Variants in NLE1 observed in about 807,000 individuals in gnomAD.
NLE1 encodes the protein notchless homolog 1.
A neutral mutation model predicts 62.8 loss-of-function variants in NLE1; 37 were observed. The ratio of observed to expected loss-of-function variants is 0.59; its 90% CI spans 0.45 to 0.78. The LOEUF (loss-of-function observed/expected upper bound fraction) is 0.78, where lower values mean the gene tolerates loss of function less well. Ranked by LOEUF, NLE1 falls within the 30% of genes least tolerant of loss-of-function variation. The pLI, the probability that NLE1 is intolerant of heterozygous loss-of-function variation, is 0.00. For synonymous variants in NLE1, 243 were observed against 253.0 expected, an observed-to-expected ratio of 0.96 and a Z score of 0.37; for missense variants, 555 against 637.9, an observed-to-expected ratio of 0.87 and a Z score of 1.40.
rs753142026 is a variant in NLE1 at position 35,142,257 on chromosome 17, C to A, written c.18+1G>T. ...CCCCGCCCCCATCCACGCACACCCA[C>A]CGGCACTGCTGCCGCCATCCTGCGT... On this transcript the variant is annotated splice_donor_variant, in intron 1 of 12. Transcript: ENST00000442241. LOFTEE classifies it high-confidence loss of function. The A allele has an allele frequency of 1.3e-6, 2 of 1,547,968 alleles. No homozygotes were observed. The highest frequency in any genetic ancestry group is 1.4e-5 in the African/African-American group (1 of 73,234).
Position 35,136,044 on chromosome 17 carries a change from G to A in NLE1, c.1011+125C>T, listed in dbSNP as rs564879325. 4.4e-5 allele frequency: 40 copies of A among 905,528 alleles called. 1 individual carries two copies. The South Asian group carries it at 7.3e-4, about 17-fold the overall frequency. 56.1% of individuals were successfully genotyped at this position (905,528 alleles called of 1,614,324 possible). Reference sequence around the variant, plus strand: ...TAGGATTGCAAACTAGGATTATGAAGAACAACTTTTTGGAATAGGTACATT... The same window carrying A: ...TAGGATTGCAAACTAGGATTATGAAAAACAACTTTTTGGAATAGGTACATT... On this transcript the variant is annotated intron_variant, in intron 9 of 12. Coordinates refer to ENST00000442241, the MANE Select transcript of NLE1 (RefSeq NM_018096.5).
chr17:35,133,276 G>C (rs748037158), intron 11 of NLE1, 35 bp from the exon 12 acceptor site: 1 of 1,614,054 alleles, frequency 6.2e-7, no homozygotes, highest in Non-Finnish European at 8.5e-7. Flanking sequence ...GTGGGGTGGT[G>C]AGAGGGAGAC....
In NLE1 at chr17:35,139,285, G is replaced by C. The variant is rs1419024148; in HGVS notation, c.410C>G (p.Thr137Ser). ...KYLASGSGDT[T>S]VRFWDLSTET... ...TGTGCTGAGATCCCAGAAGCGCACG[G>C]TGGTGTCTCCAGAGCCACTGGCCAG... The change falls in exon 4 of 13, where the codon ACC becomes AGC. Residue 137 changes from threonine (T) to serine (S), a missense_variant. By Grantham distance (58) the Thr-to-Ser change is moderately conservative. Transcript: ENST00000442241. 1 of 1,614,064 alleles carries C rather than the reference G, an allele frequency of 6.2e-7. No homozygotes were observed. Among genetic ancestry groups the C allele is most frequent in the African/African-American group, 1.3e-5 (1 of 75,046 alleles).
chr17:35,137,528 G>A lies in NLE1; in HGVS notation c.635+15C>T, dbSNP rs376313441. On this transcript the variant is annotated intron_variant, in intron 6 of 12. Coordinates refer to ENST00000442241, the MANE Select transcript of NLE1 (RefSeq NM_018096.5). ...CCCCTGGCTCATTTGTCCCAGCTCC[G>A]TCAGTGTCACTTACGCATGGAGGGG... 5.1e-5 allele frequency: 81 copies of A among 1,597,958 alleles called. No homozygotes were observed. Among genetic ancestry groups the A allele is most frequent in the East Asian group, 8.9e-5 (4 of 44,798 alleles).
In NLE1 at chr17:35,142,270, C is replaced by A. The variant is rs1029595696; in HGVS notation, c.6G>T (p.Ala2=). Residue 2 remains alanine, a synonymous_variant, in exon 1 of 13, where the codon GCG becomes GCT. Coordinates refer to ENST00000442241, the MANE Select transcript of NLE1 (RefSeq NM_018096.5). M[A]AAVPDEAVAR... ...CACGCACACCCACCGGCACTGCTGC[C>A]GCCATCCTGCGTCCCCACGTGGAGG... 4 of 1,542,712 alleles carry A rather than the reference C, an allele frequency of 2.6e-6. No individual in the cohort carries two copies. Among genetic ancestry groups the A allele is most frequent in the Non-Finnish European group, 3.5e-6 (4 of 1,147,104 alleles).
chr17:35,138,613 T>C (rs1015609687), intron 4 of NLE1, among the ~76,000 whole-genome samples: 4 of 152,060 alleles, frequency 2.6e-5, no homozygotes, highest in Admixed American at 6.5e-5. Context: ...CCGGCTAATT[T>C]TTGTAGTTTT....
Position 35,131,187 on chromosome 17 carries a change from A to C in NLE1, c.*1250T>G, listed in dbSNP as rs1285176100. 8 of 152,274 alleles carry C rather than the reference A, an allele frequency of 5.3e-5. No individual in the cohort carries two copies. Among genetic ancestry groups the C allele is most frequent in the Non-Finnish European group, 8.8e-5 (6 of 68,088 alleles). The allele number at this position is 152,274 out of a possible 1,614,324, so 9.4% of individuals were successfully genotyped here. On this transcript the variant is annotated 3_prime_UTR_variant, in exon 13 of 13. Transcript: ENST00000442241. The stretch of plus-strand genomic sequence containing the variant: ...GGTGCAGTCTGAGAGCACAGCAGAC[A>C]AACAGCTGGCACCAAGGAGCTCAGT...
At chr17:35,134,730 C>T (rs559401507) in intron 10 of NLE1, among the ~76,000 whole-genome samples, 2 of 152,178 alleles carry the variant, frequency 1.3e-5, no homozygotes, top group South Asian at 2.1e-4. Flanking sequence ...CCACTTAGTG[C>T]GGGTCCTAAA....
At chr17:35,141,424 T>A (rs1187066051) in intron 2 of NLE1, among the ~76,000 whole-genome samples, 3 of 151,984 alleles carry the variant, frequency 2.0e-5, no homozygotes, top group African/African-American at 7.2e-5. Context: ...CGCGCGCCTG[T>A]AGTCCCAGCT....
chr17:35,138,963 C>T (rs772090857), intron 4 of NLE1, among the ~76,000 whole-genome samples: 108 of 152,032 alleles, frequency 7.1e-4, no homozygotes, highest in Middle Eastern at 3.2e-3. Flanking sequence ...GAACAGACAG[C>T]CGCCAACTGG....
Position 35,142,300 on chromosome 17 carries a change from AG to A in NLE1, c.-26del. 1 of 1,534,024 alleles carries A rather than the reference AG, an allele frequency of 6.5e-7. No homozygotes were observed. Among genetic ancestry groups the A allele is most frequent in the Non-Finnish European group, 8.7e-7 (1 of 1,143,448 alleles). The stretch of plus-strand genomic sequence containing the variant: ...TCCTGCGTCCCCACGTGGAGGAGAA[AG>A]AGCCCGGCAGACAGAGCGCCGTCTC... On this transcript the variant is annotated 5_prime_UTR_variant, in exon 1 of 13. Transcript: ENST00000442241.
At position 35,132,457 on chromosome 17, in the gene NLE1, GA is replaced by G; in HGVS notation, c.1446-9del. The G allele has an allele frequency of 7.1e-7, 1 of 1,398,858 alleles. No individual in the cohort carries two copies. Among genetic ancestry groups the G allele is most frequent in the Non-Finnish European group, 9.3e-7 (1 of 1,070,728 alleles). 86.7% of individuals were successfully genotyped at this position (1,398,858 alleles called of 1,614,324 possible). ...CCGTCTCATCTCCTCCATCTGTGGAGAAGGGAAGGGTGTCAGGATGGGGATT... is the reference window on the plus strand; with the variant it reads ...CCGTCTCATCTCCTCCATCTGTGGAGAGGGAAGGGTGTCAGGATGGGGATT... On this transcript the variant is annotated splice_polypyrimidine_tract_variant and intron_variant, in intron 12 of 12. Coordinates refer to ENST00000442241, the MANE Select transcript of NLE1 (RefSeq NM_018096.5).
At position 35,137,023 on chromosome 17, in the gene NLE1, A is replaced by T; in HGVS notation, c.806T>A (p.Ile269Asn). Residue 269 changes from isoleucine to asparagine, a missense_variant, in exon 7 of 13, where the codon ATC (isoleucine) becomes AAC (asparagine). By Grantham distance (149) the Ile-to-Asn change is moderately radical. Transcript: ENST00000442241. ...LLYSASQDRT[I>N]KVWRAHDGVL... ...TACGTCATGAGCTCTCCAGACTTTG[A>T]TGGTGCGGTCCTGGGAGGCAGAGTA... is the stretch of plus-strand genomic sequence containing the variant. 2 of 1,608,156 alleles carry T rather than the reference A, an allele frequency of 1.2e-6. No individual in the cohort carries two copies. Among genetic ancestry groups the T allele is most frequent in the Non-Finnish European group, 1.7e-6 (2 of 1,175,540 alleles).
At chr17:35,133,972 AG>A (rs1444503789) in intron 10 of NLE1, among the ~76,000 whole-genome samples, 1 of 152,138 alleles carries the variant, frequency 6.6e-6, no homozygotes, top group African/African-American at 2.4e-5. Context: ...CCTATCTTAA[AG>A]GGTTGCTGTG....
Position 35,129,931 on chromosome 17 carries a change from A to G in NLE1, c.*2506T>C, listed in dbSNP as rs747872463. 1.4e-6 allele frequency: 2 copies of G among 1,383,918 alleles called. No individual in the cohort carries two copies. The highest frequency in any genetic ancestry group is 1.9e-6 in the Non-Finnish European group (2 of 1,068,966). The allele number at this position is 1,383,918 out of a possible 1,614,324, so 85.7% of individuals were successfully genotyped here. A position where few individuals can be genotyped will look rare whatever the true frequency, so the allele number is the denominator to read the frequency against. On this transcript the variant is annotated 3_prime_UTR_variant, in exon 13 of 13. Transcript: ENST00000442241. ...AAGCCATTGGTTTTTAGACTCTGCAATTCAGTGCCCATGATTGTGAGTAGG... is the reference window on the plus strand; with the variant it reads ...AAGCCATTGGTTTTTAGACTCTGCAGTTCAGTGCCCATGATTGTGAGTAGG...
chr17:35,136,331 GC>G, intron 8 of NLE1, 30 bp downstream of exon 8: 1 of 1,608,832 alleles, frequency 6.2e-7, no homozygotes, highest in Non-Finnish European at 8.5e-7. Flanking sequence ...TTCCCAATCA[GC>G]CCCCGCTCTT....
At position 35,136,510 on chromosome 17, in the gene NLE1, G is replaced by C. The variant is rs201824456; in HGVS notation, c.829-13C>G. Reference sequence around the variant, plus strand: ...GGCACAGCACACCCTACGGGAGAGCGAGTCAGGTCAGACACACACACTCCT... The same window carrying C: ...GGCACAGCACACCCTACGGGAGAGCCAGTCAGGTCAGACACACACACTCCT... On this transcript the variant is annotated splice_polypyrimidine_tract_variant and intron_variant, in intron 7 of 12. Transcript: ENST00000442241. The C allele has an allele frequency of 1.9e-6, 3 of 1,605,650 alleles. No homozygotes were observed. In the East Asian group the frequency reaches 6.7e-5, roughly 36 times the overall value.
rs746327863 is a variant in NLE1 at position 35,135,296 on chromosome 17, A to G, written c.1167T>C (p.Ser389=). The part of the protein sequence containing the change: ...LFSPDSRIVA[S]ASFDKSIKLW... ...GCTTGATGGACTTGTCAAAGGAGGC[A>G]CTAGCCACGATGCGGGAGTCAGGAG... Residue 389 remains serine, a synonymous_variant, in exon 10 of 13, where the codon AGT becomes AGC. Transcript: ENST00000442241. 6.2e-7 allele frequency: 1 copy of G among 1,614,198 alleles called. No individual in the cohort carries two copies. The highest frequency in any genetic ancestry group is 1.7e-5 in the Admixed American group (1 of 60,022).
Position 35,128,840 on chromosome 17 carries a change from G to T in NLE1, c.*3597C>A. 1 of 174,850 alleles carries T rather than the reference G, an allele frequency of 5.7e-6. No individual in the cohort carries two copies. Among genetic ancestry groups the T allele is most frequent in the Non-Finnish European group, 1.2e-5 (1 of 84,712 alleles). The allele number at this position is 174,850 out of a possible 1,614,324, so 10.8% of individuals were successfully genotyped here. A position where few individuals can be genotyped will look rare whatever the true frequency, so the allele number is the denominator to read the frequency against. ...CAACTCACCATAATGTAGAAACTGT[G>T]GGAGCCCTGAGCTTGTTTTCCTGCA... On this transcript the variant is annotated 3_prime_UTR_variant, in exon 13 of 13. Transcript: ENST00000442241.
Sources: allele counts gnomAD v4.1 joint callset (sites outside exome capture counted in the v4.1 genomes callset), GRCh38; gene constraint gnomAD v4.1.1; transcripts MANE v1.5; gene names NCBI Gene and HGNC (gene_info 2026-07-23, HGNC 2026-07-21).